The following TECTA variants were observed in gnomAD, a reference collection of about 807,000 sequenced individuals.
TECTA encodes alpha-tectorin.
In TECTA, 128 loss-of-function variants were observed where a neutral mutation model predicts 216.8. The observed-to-expected ratio is 0.59, with a 90% CI of 0.51 to 0.68. TECTA has a LOEUF of 0.68. Ranked by LOEUF, TECTA falls within the 30% of genes least tolerant of loss-of-function variation. The probability of loss-of-function intolerance (pLI) is 0.00; values close to 1 mark genes in which losing one functional copy is unlikely to be tolerated. For synonymous variants in TECTA, 1,089 were observed against 1,117.1 expected (o/e 0.97, Z 0.50); for missense variants, 2,551 against 2,786.2 (o/e 0.92, Z 1.90).
intron 6 of TECTA, among the ~76,000 whole-genome samples, chr11:121,116,526 A>T (rs1946503567): frequency 6.6e-6 from 1 of 152,110 alleles, no homozygotes; most frequent in Non-Finnish European, 1.5e-5. Flanking sequence ...CTCCACTTTG[A>T]CTTCATTCTT....
At position 121,127,381 on chromosome 11, in the gene TECTA, C is replaced by A. The variant is rs1395319728; in HGVS notation, c.1775-371C>A. ...TTTCCTTCTAAGAATGGACCATGCT[C>A]TTTAAAATCAGATCAATTTATATGT... On this transcript the variant is annotated intron_variant, in intron 8 of 23. Transcript: ENST00000392793. This position sits in a 1 kb window ranked among gnomAD's most constrained non-coding sequence, Gnocchi z 5.0. 6.6e-6 allele frequency among the ~76,000 whole-genome samples: 1 copy of A among 152,132 alleles called. No homozygotes were observed. The highest frequency in any genetic ancestry group is 2.4e-5 in the African/African-American group (1 of 41,430).
At chr11:121,165,587 T>C (rs1947045048) in intron 17 of TECTA, among the ~76,000 whole-genome samples, 1 of 152,110 alleles carries the variant, frequency 6.6e-6, no homozygotes, top group Admixed American at 6.5e-5. Flanking sequence ...CACAAATTTG[T>C]ACATGAATGG....
Position 121,158,194 on chromosome 11 carries a change from G to A in TECTA, c.4659G>A (p.Gln1553=). The change falls in exon 14 of 24, where the codon CAG becomes CAA. Residue 1553 remains glutamine (Q), a synonymous_variant. Transcript: ENST00000392793. ...SPVYFYINEE[Q]ILINDRNTVK... is the part of the protein sequence containing the mutation. ...TCTACTTCTACATTAACGAAGAGCA[G>A]ATTCTCATCAACGACCGGAACACGG... 6.2e-7 allele frequency: 1 copy of A among 1,613,762 alleles called. No individual in the cohort carries two copies.
chr11:121,189,412 C>G (rs528883185), intron 22 of TECTA, among the ~76,000 whole-genome samples: 1 of 150,310 alleles, frequency 6.7e-6, no homozygotes, highest in Non-Finnish European at 1.5e-5. Flanking sequence ...CTTTCTCTGT[C>G]GCCCAAGCTG....
At chr11:121,126,832 T>C (rs1306023602) in intron 8 of TECTA, among the ~76,000 whole-genome samples, 1 of 152,234 alleles carries the variant, frequency 6.6e-6, no homozygotes, top group Non-Finnish European at 1.5e-5. Flanking sequence ...GACCAGAGCA[T>C]CCATATTTGG....
At chr11:121,114,452 T>C (rs1946476694) in intron 6 of TECTA, among the ~76,000 whole-genome samples, 1 of 152,182 alleles carries the variant, frequency 6.6e-6, no homozygotes. Flanking sequence ...CTTTTTTGTG[T>C]CCAAAAATAT....
chr11:121,144,823 C>G (rs1946818130), intron 11 of TECTA, among the ~76,000 whole-genome samples: 1 of 152,170 alleles, frequency 6.6e-6, no homozygotes, highest in Admixed American at 6.5e-5. Context: ...CCTCAAGTTG[C>G]CCATAATCTT....
intron 15 of TECTA, among the ~76,000 whole-genome samples, chr11:121,161,223 GA>G (rs1020218965): frequency 6.6e-6 from 1 of 152,114 alleles, no homozygotes; most frequent in Non-Finnish European, 1.5e-5. Flanking sequence ...TCAGAGCTGT[GA>G]AAATTCTTGG....
chr11:121,181,880 C>G lies in TECTA; in HGVS notation c.6000-5952C>G, dbSNP rs191796317. Among the ~76,000 whole-genome samples the G allele has an allele frequency of 3.3e-5, 5 of 152,274 alleles. No individual in the cohort carries two copies. In the East Asian group the frequency reaches 9.6e-4, roughly 29 times the overall value. Reference sequence around the variant, plus strand: ...TTGCTTCTCCAATTTTATGGATTGGCTTTTGTAGGGACAGAGTTTTTCCTA... The same window carrying G: ...TTGCTTCTCCAATTTTATGGATTGGGTTTTGTAGGGACAGAGTTTTTCCTA... On this transcript the variant is annotated intron_variant, in intron 20 of 23. Transcript: ENST00000392793.
intron 1 of TECTA, 104 bp from the exon 2 acceptor site, chr11:121,102,561 A>G (rs1220071961): frequency 1.6e-5 from 14 of 863,412 alleles, no homozygotes; most frequent in East Asian, 2.4e-5. Flanking sequence ...AATTTGTTCT[A>G]TGACGGTTTT....
intron 21 of TECTA, 93 bp from the exon 22 acceptor site, chr11:121,188,987 A>G: frequency 7.6e-7 from 1 of 1,312,136 alleles, no homozygotes; most frequent in African/African-American, 1.5e-5. Flanking sequence ...GCTTGAGGCC[A>G]GAGCCACTGC....
At chr11:121,151,459 A>G (rs1217885852) in intron 12 of TECTA, among the ~76,000 whole-genome samples, 1 of 152,254 alleles carries the variant, frequency 6.6e-6, no homozygotes. Context: ...TAAAGAAAGC[A>G]ATGAGCAGAA....
intron 8 of TECTA, 137 bp downstream of exon 8, chr11:121,126,009 A>G: frequency 9.5e-7 from 1 of 1,051,188 alleles, no homozygotes; most frequent in Non-Finnish European, 1.4e-6. Flanking sequence ...ACAAATTACA[A>G]AGAACGAATT....
At chr11:121,153,344 C>T (rs1018847974) in intron 13 of TECTA, among the ~76,000 whole-genome samples, 2 of 152,208 alleles carry the variant, frequency 1.3e-5, no homozygotes, top group African/African-American at 4.8e-5. Flanking sequence ...CTCTGCCTCC[C>T]CTACTCACTC....
chr11:121,130,039 C>T lies in TECTA; in HGVS notation c.2769C>T (p.Phe923=), dbSNP rs771777905. ...GIINDPSNSS[F]LECHGVVNVT... is the part of the protein sequence containing the mutation. ...TCAACGACCCCTCCAACAGCTCCTTCCTGGAGTGCCATGGGGTGGTGAACG... is the reference window on the plus strand; with the variant it reads ...TCAACGACCCCTCCAACAGCTCCTTTCTGGAGTGCCATGGGGTGGTGAACG... Residue 923 remains phenylalanine (F), a synonymous_variant, in exon 10 of 24, where the codon TTC becomes TTT. Coordinates refer to ENST00000392793, the MANE Select transcript of TECTA (RefSeq NM_005422.4). 14 of 1,613,482 alleles carry T rather than the reference C, an allele frequency of 8.7e-6. No homozygotes were observed. In the South Asian group the frequency reaches 1.5e-4, roughly 18 times the overall value.
In TECTA at chr11:121,105,602, A is replaced by C. The variant is rs55683640; in HGVS notation, c.65-229A>C. The stretch of plus-strand genomic sequence containing the variant: ...GCATGAAAGTGCAAGAACATGCACA[A>C]AGTGCTTTCTCCTATGGAGAAACAA... On this transcript the variant is annotated intron_variant, in intron 2 of 23. Coordinates refer to ENST00000392793, the MANE Select transcript of TECTA (RefSeq NM_005422.4). The surrounding 1 kb of genome is among the most constrained non-coding windows in gnomAD (Gnocchi z 5.3). Among the ~76,000 whole-genome samples, 6,563 of 152,352 alleles carry C rather than the reference A, an allele frequency of 0.043. 189 individuals are homozygous for C. Among genetic ancestry groups the C allele is most frequent in the Non-Finnish European group, 0.067 (4,525 of 68,012 alleles).
Position 121,137,622 on chromosome 11 carries a change from A to G in TECTA, c.3143A>G (p.Asn1048Ser), listed in dbSNP as rs372562316. The G allele has an allele frequency of 7.4e-6, 12 of 1,613,904 alleles. No homozygotes were observed. The highest frequency in any genetic ancestry group is 6.8e-6 in the Non-Finnish European group (8 of 1,180,012). ...TTTGAGGGGCACCAACTTGCCACCA[A>G]TGAGACCTTCTGGGTGGACCTGGAC... ...CNFEGHQLAT[N>S]ETFWVDLDCQ... is the part of the protein sequence containing the mutation. The change falls in exon 11 of 24, where the codon AAT becomes AGT. Residue 1048 changes from asparagine to serine, a missense_variant. Physicochemically the swap from Asn to Ser is conservative, Grantham distance 46 (BLOSUM62 1). Transcript: ENST00000392793.
At position 121,118,547 on chromosome 11, in the gene TECTA, T is replaced by C. The variant is rs1422226897; in HGVS notation, c.1032T>C (p.Cys344=). 1.9e-6 allele frequency: 3 copies of C among 1,614,096 alleles called. No homozygotes were observed. The African/African-American group carries it at 4.0e-5, about 22-fold the overall frequency. The change falls in exon 7 of 24, where the codon TGT becomes TGC. Residue 344 remains cysteine (C), a synonymous_variant. Coordinates refer to ENST00000392793, the MANE Select transcript of TECTA (RefSeq NM_005422.4). ...DGFLFHFQGS[C]AYLLARQCLQ... Reference sequence around the variant, plus strand: ...TCCTCTTCCACTTCCAAGGCTCCTGTGCCTACTTGCTGGCCCGACAGTGTT... The same window carrying C: ...TCCTCTTCCACTTCCAAGGCTCCTGCGCCTACTTGCTGGCCCGACAGTGTT...
intron 19 of TECTA, 92 bp from the exon 20 acceptor site, chr11:121,168,585 C>G: frequency 6.2e-7 from 1 of 1,604,162 alleles, no homozygotes. Context: ...ACGTGCTTTG[C>G]TTTCCCTCTG....
Sources: gnomAD v4.1 joint callset for allele counts (sites outside exome capture counted in the v4.1 genomes callset) on GRCh38, gnomAD v4.1.1 for gene constraint, Gnocchi (gnomAD v3.1) non-coding constraint, MANE v1.5 for transcripts, NCBI Gene and HGNC (gene_info 2026-07-23, HGNC 2026-07-21) for gene names.